Variants in UHRF2 observed in about 807,000 individuals in gnomAD.
The protein encoded by UHRF2 is E3 ubiquitin-protein ligase UHRF2.
UHRF2 carries 23 observed loss-of-function variants against 96.8 expected under a neutral mutation model. The ratio of observed to expected loss-of-function variants is 0.24; its 90% confidence interval spans 0.17 to 0.34. The LOEUF (loss-of-function observed/expected upper bound fraction) is 0.34, where lower values mean the gene tolerates loss of function less well. Among genes scored for constraint, UHRF2 ranks in the 10% least tolerant of loss-of-function variants. The probability of loss-of-function intolerance (pLI) is 1.00; values close to 1 mark genes in which losing one functional copy is unlikely to be tolerated. For missense variants in UHRF2, 685 were observed against 981.5 expected (o/e 0.70, Z 4.04); for synonymous variants, 385 against 332.6 (o/e 1.16, Z -1.72).
chr9:6,439,006 A>G, intron 3 of UHRF2, among the ~76,000 whole-genome samples: 1 of 152,354 alleles, frequency 6.6e-6, no homozygotes, highest in Non-Finnish European at 1.5e-5. Flanking sequence ...CTAAAATATA[A>G]CTGAAATAAT....
chr9:6,455,739 C>T (rs1211825482), intron 3 of UHRF2, among the ~76,000 whole-genome samples: 2 of 152,142 alleles, frequency 1.3e-5, no homozygotes, highest in Non-Finnish European at 2.9e-5. Flanking sequence ...AATCCAAGCA[C>T]TTTGGGAGGC....
chr9:6,487,470 G>T (rs1824372619), intron 9 of UHRF2, among the ~76,000 whole-genome samples: 1 of 152,076 alleles, frequency 6.6e-6, no homozygotes, highest in Non-Finnish European at 1.5e-5. Flanking sequence ...AGATTCAAGC[G>T]ATTCTCCTGC....
chr9:6,438,126 A>T (rs950811534), intron 3 of UHRF2, among the ~76,000 whole-genome samples: 2 of 152,232 alleles, frequency 1.3e-5, no homozygotes, highest in African/African-American at 2.4e-5. Context: ...GACCTGGATT[A>T]TGATTGTTCC....
intron 1 of UHRF2, among the ~76,000 whole-genome samples, chr9:6,416,714 T>A (rs1437334349): frequency 6.6e-6 from 1 of 151,766 alleles, no homozygotes; most frequent in African/African-American, 2.4e-5. Flanking sequence ...TGATTTTTTG[T>A]ATTTTTAGTA....
chr9:6,504,541 G>A, intron 14 of UHRF2, 52 bp from the exon 15 acceptor site: 2 of 1,218,716 alleles, frequency 1.6e-6, no homozygotes, highest in South Asian at 2.6e-5. Flanking sequence ...AATTTTATTA[G>A]CATATTATGA....
At chr9:6,417,107 C>T (rs1819651657) in intron 1 of UHRF2, among the ~76,000 whole-genome samples, 1 of 152,120 alleles carries the variant, frequency 6.6e-6, no homozygotes, top group Non-Finnish European at 1.5e-5. Flanking sequence ...TTGTTTTGCC[C>T]TTCACTGGCA....
chr9:6,431,118 C>T (rs1039128510), intron 2 of UHRF2, among the ~76,000 whole-genome samples: 12 of 152,136 alleles, frequency 7.9e-5, no homozygotes, highest in African/African-American at 2.9e-4. Flanking sequence ...CTTTAAAATC[C>T]AGGCTTTATA....
At chr9:6,440,891 T>C (rs1047107366) in intron 3 of UHRF2, among the ~76,000 whole-genome samples, 3 of 152,212 alleles carry the variant, frequency 2.0e-5, no homozygotes, top group Non-Finnish European at 4.4e-5. Context: ...CCCTTCCCTC[T>C]CCCTGGCATT....
chr9:6,439,822 G>A (rs1054531292), intron 3 of UHRF2, among the ~76,000 whole-genome samples: 2 of 150,860 alleles, frequency 1.3e-5, no homozygotes, highest in East Asian at 3.8e-4. Context: ...CTGGTTACTG[G>A]AGAGAGACTA....
At chr9:6,490,422 C>T (rs1328739101) in intron 9 of UHRF2, among the ~76,000 whole-genome samples, 2 of 152,110 alleles carry the variant, frequency 1.3e-5, no homozygotes, top group African/African-American at 4.8e-5. Flanking sequence ...GAGGTCAGGA[C>T]TTCGAAACCA....
chr9:6,421,979 C>G (rs931731792), intron 2 of UHRF2, among the ~76,000 whole-genome samples: 1 of 152,092 alleles, frequency 6.6e-6, no homozygotes, highest in Non-Finnish European at 1.5e-5. Context: ...TATTAACATA[C>G]CGCGGTATAT....
chr9:6,469,710 A>ATC, intron 4 of UHRF2, among the ~76,000 whole-genome samples: 1 of 150,880 alleles, frequency 6.6e-6, no homozygotes, highest in African/African-American at 2.4e-5. Context: ...ACATACATAT[A>ATC]CACACATATA....
chr9:6,463,748 G>A (rs1822699764), intron 4 of UHRF2, among the ~76,000 whole-genome samples: 1 of 151,952 alleles, frequency 6.6e-6, no homozygotes, highest in Non-Finnish European at 1.5e-5. Context: ...TAGGATTATA[G>A]GTATGAGCCA....
rs1293060488 is a variant in UHRF2 at position 6,500,494 on chromosome 9, C to G, written c.2006-58C>G. On this transcript the variant is annotated intron_variant, in intron 13 of 15. Coordinates refer to ENST00000276893, the MANE Select transcript of UHRF2 (RefSeq NM_152896.3). ...CTTGTGCCAGTTAACTCTTTTGTTTCATAGTTCTGCTTAGAACCACTTGTA... is the reference window on the plus strand; with the variant it reads ...CTTGTGCCAGTTAACTCTTTTGTTTGATAGTTCTGCTTAGAACCACTTGTA... 2.1e-6 allele frequency: 3 copies of G among 1,453,914 alleles called. No individual in the cohort carries two copies. In the East Asian group the frequency reaches 7.1e-5, roughly 34 times the overall value. 90.1% of individuals were successfully genotyped at this position (1,453,914 alleles called of 1,614,324 possible). A position where few individuals can be genotyped will look rare whatever the true frequency, so the allele number is the denominator to read the frequency against.
At chr9:6,459,041 G>A (rs1331959428) in intron 3 of UHRF2, among the ~76,000 whole-genome samples, 1 of 152,068 alleles carries the variant, frequency 6.6e-6, no homozygotes, top group Non-Finnish European at 1.5e-5. Flanking sequence ...CGCAGGGAGG[G>A]GAACATAACA....
At chr9:6,420,103 T>C (rs556079465) in intron 1 of UHRF2, among the ~76,000 whole-genome samples, 133 of 151,494 alleles carry the variant, frequency 8.8e-4, no homozygotes, top group Non-Finnish European at 1.6e-3. Flanking sequence ...GTTGCCCAGG[T>C]TGGAGTGCAG....
intron 4 of UHRF2, among the ~76,000 whole-genome samples, chr9:6,466,826 A>T (rs920346011): frequency 6.6e-6 from 1 of 152,172 alleles, no homozygotes; most frequent in Non-Finnish European, 1.5e-5. Flanking sequence ...GTTCCCTCCT[A>T]CACAGATACT....
rs558768734 is a variant in UHRF2 at position 6,439,958 on chromosome 9, G to A, written c.644+5785G>A. Among the ~76,000 whole-genome samples, 9 of 152,306 alleles carry A rather than the reference G, an allele frequency of 5.9e-5. 1 individual carries two copies. The South Asian group carries it at 1.9e-3, about 32-fold the overall frequency. On this transcript the variant is annotated intron_variant, in intron 3 of 15. Coordinates refer to ENST00000276893, the MANE Select transcript of UHRF2 (RefSeq NM_152896.3). ...AGTGGTTAATGTAAAAGAAAAAAGG[G>A]AGAAAACATCAAATTTTCTTGTTTC...
chr9:6,500,632 C>G lies in UHRF2; in HGVS notation c.2086C>G (p.Gln696Glu), dbSNP rs1183924339. 1.2e-6 allele frequency: 2 copies of G among 1,614,040 alleles called. No individual in the cohort carries two copies. Among genetic ancestry groups the G allele is most frequent in the South Asian group, 1.1e-5 (1 of 91,080 alleles). The change falls in exon 14 of 16, where the codon CAG becomes GAG. Residue 696 changes from glutamine (Q) to glutamate (E), a missense_variant. Physicochemically the swap from Gln to Glu is conservative, Grantham distance 29. This residue lies in a region of UHRF2 where 99 missense variants were observed against 73.5 expected (regional missense o/e 1.35). Transcript: ENST00000276893. ...AIEAFQLTPQ[Q>E]QHLIREDCQN... ...TGAGGCTTTTCAACTAACTCCTCAA[C>G]AGCAACATCTCATCAGAGAAGATTG...
Sources: gnomAD v4.1 joint callset for allele counts (sites outside exome capture counted in the v4.1 genomes callset) on GRCh38, gnomAD v4.1.1 for gene constraint, gnomAD v4.1.1 regional missense constraint, MANE v1.5 for transcripts, NCBI Gene and HGNC (gene_info 2026-07-23, HGNC 2026-07-21) for gene names.